Variants in VPS13C observed in about 807,000 individuals in gnomAD.
VPS13C encodes vacuolar protein sorting 13 homolog C, also known as intermembrane lipid transfer protein VPS13C.
VPS13C carries 358 observed loss-of-function variants against 456.8 expected under a neutral mutation model. The observed-to-expected ratio is 0.78, with a 90% confidence interval of 0.72 to 0.86. The LOEUF (loss-of-function observed/expected upper bound fraction) is 0.86. Among genes scored for constraint, VPS13C ranks in the 40% least tolerant of loss-of-function variants. VPS13C has a pLI of 0.00. For missense variants in VPS13C, 4,818 were observed against 4,385.4 expected, an observed-to-expected ratio of 1.10 and a Z score of -2.79; for synonymous variants, 1,578 against 1,486.7, an observed-to-expected ratio of 1.06 and a Z score of -1.41.
At chr15:61,974,918 T>C (rs974078743) in intron 24 of VPS13C, among the ~76,000 whole-genome samples, 3 of 152,176 alleles carry the variant, frequency 2.0e-5, no homozygotes, top group Non-Finnish European at 2.9e-5. Flanking sequence ...ACTGTGCTTT[T>C]ATCAGTTGCT....
chr15:62,013,711 G>A (rs1449003310), intron 10 of VPS13C, among the ~76,000 whole-genome samples: 1 of 151,984 alleles, frequency 6.6e-6, no homozygotes, highest in African/African-American at 2.4e-5. Context: ...CATTTGGGAA[G>A]TATTAACTGT....
In VPS13C at chr15:61,962,556, G is replaced by A. The variant is rs181211500; in HGVS notation, c.3436-18C>T. 1 of 1,601,486 alleles carries A rather than the reference G, an allele frequency of 6.2e-7. No homozygotes were observed. On this transcript the variant is annotated intron_variant, in intron 33 of 84. Coordinates refer to ENST00000644861, the MANE Select transcript of VPS13C (RefSeq NM_020821.3). ...GACACAGCCTGAAAAACAGAGACTT[G>A]AATGTACTCTATCCGGGAAGGTAAT...
At chr15:61,896,543 C>T (rs138196944) in intron 66 of VPS13C, among the ~76,000 whole-genome samples, 1,933 of 149,676 alleles carry the variant, frequency 0.013, 43 homozygotes, top group African/African-American at 0.042. Context: ...GCTTTTCCGA[C>T]GGGCTTAAAA....
rs142136907 is a variant in VPS13C at position 61,975,578 on chromosome 15, T to C, written c.2409-1161A>G. Among the ~76,000 whole-genome samples, 99 of 152,170 alleles carry C rather than the reference T, an allele frequency of 6.5e-4. 1 individual carries two copies. The East Asian group carries it at 0.012, about 18-fold the overall frequency. On this transcript the variant is annotated intron_variant, in intron 24 of 84. Transcript: ENST00000644861. ...CAAAACACTTGGAACATACAGATCA[T>C]ACAGAAGAATAGATAATCTAGCCCT...
Position 62,008,706 on chromosome 15 carries a change from G to C in VPS13C, c.1067C>G (p.Pro356Arg), listed in dbSNP as rs774345934. ...ESVDYMVRNA[P>R]YRKYKPYLPL... is the part of the protein sequence containing the mutation. ...TAAATAAGGCTTGTATTTCCTATAAGGCGCATTCCTAACCATATAATCCAC... is the reference window on the plus strand; with the variant it reads ...TAAATAAGGCTTGTATTTCCTATAACGCGCATTCCTAACCATATAATCCAC... Residue 356 changes from proline to arginine, a missense_variant, in exon 14 of 85, where the codon CCT becomes CGT. Around this residue, in one of 3 missense-constraint regions of VPS13C, gnomAD observed 4,552 missense variants for 4,130.6 expected, o/e 1.10. Transcript: ENST00000644861. 3.1e-6 allele frequency: 5 copies of C among 1,607,468 alleles called. 1 individual carries two copies. The South Asian group carries it at 4.4e-5, about 14-fold the overall frequency.
At chr15:61,920,956 T>C (rs1278288826) in intron 55 of VPS13C, among the ~76,000 whole-genome samples, 5 of 152,144 alleles carry the variant, frequency 3.3e-5, no homozygotes, top group Non-Finnish European at 7.4e-5. Flanking sequence ...CTGGTGATTA[T>C]GTGTTGACGA....
At chr15:62,040,319 G>C (rs111245505) in intron 3 of VPS13C, among the ~76,000 whole-genome samples, 222 of 152,166 alleles carry the variant, frequency 1.5e-3, no homozygotes, top group African/African-American at 5.3e-3. Context: ...AATAATAATT[G>C]ATTGCACATT....
chr15:61,946,538 T>C (rs1596366921), intron 43 of VPS13C, 128 bp from the exon 44 acceptor site: 1 of 503,714 alleles, frequency 2.0e-6, no homozygotes, highest in Non-Finnish European at 3.3e-6. Flanking sequence ...GACACATTAA[T>C]GGCATCAACT....
At chr15:61,909,436 T>C (rs1271705785) in intron 64 of VPS13C, among the ~76,000 whole-genome samples, 3 of 152,236 alleles carry the variant, frequency 2.0e-5, no homozygotes, top group Admixed American at 1.3e-4. Flanking sequence ...CTCGAACTCC[T>C]GACCTAGTGA....
At chr15:62,016,344 C>A (rs1374011239) in intron 9 of VPS13C, among the ~76,000 whole-genome samples, 1 of 151,826 alleles carries the variant, frequency 6.6e-6, no homozygotes, top group East Asian at 1.9e-4. Context: ...CGTATGTATA[C>A]ATGTGCCATG....
intron 47 of VPS13C, among the ~76,000 whole-genome samples, chr15:61,937,045 C>T (rs560896279): frequency 8.6e-4 from 131 of 152,278 alleles, no homozygotes; most frequent in African/African-American, 2.9e-3. Flanking sequence ...TCCCATTTCC[C>T]TATCTTCCCA....
Position 61,915,998 on chromosome 15 carries a change from C to T in VPS13C, c.8080G>A (p.Ala2694Thr), listed in dbSNP as rs774736465. 1.9e-5 allele frequency: 30 copies of T among 1,593,380 alleles called. No homozygotes were observed. Among genetic ancestry groups the T allele is most frequent in the African/African-American group, 2.7e-5 (2 of 74,428 alleles). ...AGAACATCAGCAGTACTGCCTTCTGCCAGCTCATGAGTTTCTGCTGTTCCC... is the reference window on the plus strand; with the variant it reads ...AGAACATCAGCAGTACTGCCTTCTGTCAGCTCATGAGTTTCTGCTGTTCCC... ...LEGTAETHEL[A>T]EGSTADVLHS... The change falls in exon 61 of 85, where the codon GCA (alanine) becomes ACA (threonine). Residue 2694 changes from alanine to threonine, a missense_variant. Transcript: ENST00000644861.
chr15:62,058,138 C>T (rs1028994057), intron 1 of VPS13C, among the ~76,000 whole-genome samples: 9 of 151,830 alleles, frequency 5.9e-5, no homozygotes, highest in African/African-American at 2.2e-4. Flanking sequence ...AAACTAAGGC[C>T]CAATAAGGTA....
chr15:61,888,869 G>C (rs758830567), intron 67 of VPS13C, among the ~76,000 whole-genome samples: 1 of 152,046 alleles, frequency 6.6e-6, no homozygotes, highest in Non-Finnish European at 1.5e-5. Flanking sequence ...GATAATAATG[G>C]AGTTAGACAA....
intron 48 of VPS13C, chr15:61,935,565 A>C (rs1396190440): frequency 1.3e-5 from 2 of 152,366 alleles, no homozygotes; most frequent in East Asian, 3.9e-4. Flanking sequence ...CATTAATCAC[A>C]TAAGGCTTGC....
In VPS13C at chr15:61,867,751, AT is replaced by A; in HGVS notation, c.10863+907del. On this transcript the variant is annotated intron_variant, in intron 81 of 84. Coordinates refer to ENST00000644861, the MANE Select transcript of VPS13C (RefSeq NM_020821.3). This position sits in a 1 kb window ranked among gnomAD's most constrained non-coding sequence, Gnocchi z 5.0. ...TTATTTCTGGACAGTATTACCAGGA[AT>A]ACCACAAGTTTTTATTTGTAGTCAA... is the stretch of plus-strand genomic sequence containing the variant. 6.1e-6 allele frequency: 9 copies of A among 1,471,594 alleles called. No individual in the cohort carries two copies. Among genetic ancestry groups the A allele is most frequent in the Non-Finnish European group, 8.1e-6 (9 of 1,114,990 alleles). The allele number at this position is 1,471,594 out of a possible 1,614,324, so 91.2% of individuals were successfully genotyped here. A position where few individuals can be genotyped will look rare whatever the true frequency, so the allele number is the denominator to read the frequency against.
At chr15:62,054,951 G>T (rs1421947565) in intron 1 of VPS13C, among the ~76,000 whole-genome samples, 1 of 152,140 alleles carries the variant, frequency 6.6e-6, no homozygotes, top group Non-Finnish European at 1.5e-5. Flanking sequence ...CCACTTTACA[G>T]ATTACGAGAG....
intron 66 of VPS13C, among the ~76,000 whole-genome samples, chr15:61,894,637 G>C (rs1273201409): frequency 1.3e-5 from 2 of 151,862 alleles, no homozygotes; most frequent in East Asian, 3.9e-4. Context: ...ATTACAAAAA[G>C]AGACAAAGTC....
At chr15:61,892,283 G>A (rs999923472) in intron 66 of VPS13C, among the ~76,000 whole-genome samples, 2 of 152,304 alleles carry the variant, frequency 1.3e-5, no homozygotes, top group East Asian at 1.9e-4. Flanking sequence ...AACACTGTGG[G>A]AGGCACAGTC....
Sources: allele counts gnomAD v4.1 joint callset (sites outside exome capture counted in the v4.1 genomes callset), GRCh38; gene constraint gnomAD v4.1.1; regional missense constraint gnomAD v4.1.1; non-coding constraint Gnocchi (gnomAD v3.1); transcripts MANE v1.5; gene names NCBI Gene and HGNC (gene_info 2026-07-23, HGNC 2026-07-21).